The following TNFRSF13C variants were observed in gnomAD, a reference collection of about 807,000 sequenced individuals.
TNFRSF13C encodes the protein TNF receptor superfamily member 13C, also known as tumor necrosis factor receptor superfamily member 13C.
TNFRSF13C carries 7 observed loss-of-function variants against 12.1 expected under a neutral mutation model. The ratio of observed to expected loss-of-function variants is 0.58; its 90% CI spans 0.33 to 1.08. The LOEUF is 1.08. TNFRSF13C is among the 50% of genes least tolerant of loss of function. The pLI is 0.04. For missense variants in TNFRSF13C, 260 were observed against 265.9 expected (o/e 0.98, Z 0.15); for synonymous variants, 157 against 130.8 (o/e 1.20, Z -1.37).
In TNFRSF13C at chr22:41,925,361, T is replaced by C. The variant is rs749167908; in HGVS notation, c.*6A>G. 1 of 1,597,218 alleles carries C rather than the reference T, an allele frequency of 6.3e-7. No individual in the cohort carries two copies. ...AGGGCAGGGGCCACCTCCTGCCGGC[T>C]CCCTGCTATTGTTGCTCAGGGCCGG... is the stretch of plus-strand genomic sequence containing the variant. On this transcript the variant is annotated 3_prime_UTR_variant, in exon 3 of 3. Transcript: ENST00000291232.
rs1438896991 is a variant in TNFRSF13C, at chr22:41,922,169, C to T, written c.*3198G>A. ...GAAAAATACACCACACACTCGAGGCCTGGGGTTACTGGACACGGGTCATTT... is the reference window on the plus strand; with the variant it reads ...GAAAAATACACCACACACTCGAGGCTTGGGGTTACTGGACACGGGTCATTT... On this transcript the variant is annotated 3_prime_UTR_variant, in exon 3 of 3. Transcript: ENST00000291232. The T allele has an allele frequency of 6.6e-6, 1 of 152,198 alleles. No homozygotes were observed. The highest frequency in any genetic ancestry group is 1.9e-4 in the East Asian group (1 of 5,200). The allele number at this position is 152,198 out of a possible 1,614,324, so 9.4% of individuals were successfully genotyped here. A position where few individuals can be genotyped will look rare whatever the true frequency, so the allele number is the denominator to read the frequency against.
At position 41,926,072 on chromosome 22, in the gene TNFRSF13C, A is replaced by T; in HGVS notation, c.367+29T>A. ...ACACCCCAGCCCCTGCGCCCCGCTC[A>T]GACTGGTTCCCCTACACACGGAACT... On this transcript the variant is annotated intron_variant, in intron 2 of 2. Coordinates refer to ENST00000291232, the MANE Select transcript of TNFRSF13C (RefSeq NM_052945.4). The surrounding 1 kb of genome is among the most constrained non-coding windows in gnomAD (Gnocchi z 4.9). 2 of 1,611,948 alleles carry T rather than the reference A, an allele frequency of 1.2e-6. 1 individual carries two copies.
In TNFRSF13C at chr22:41,925,385, G is replaced by A. The variant is rs146580897; in HGVS notation, c.537C>T (p.Ala179=). ...CTCCCTGCTATTGTTGCTCAGGGCC[G>A]GCCGTCTTGGTGGTCACCAGTTCAG... The part of the protein sequence containing the change: ...GSTELVTTKT[A]GPEQQ Residue 179 remains alanine, a synonymous_variant, in exon 3 of 3, where the codon GCC becomes GCT. Coordinates refer to ENST00000291232, the MANE Select transcript of TNFRSF13C (RefSeq NM_052945.4). The A allele has an allele frequency of 1.3e-5, 21 of 1,606,108 alleles. No individual in the cohort carries two copies. The highest frequency in any genetic ancestry group is 1.8e-4 in the Middle Eastern group (1 of 5,638).
In TNFRSF13C at chr22:41,922,992, C is replaced by T. The variant is rs1386594110; in HGVS notation, c.*2375G>A. 1 of 152,410 alleles carries T rather than the reference C, an allele frequency of 6.6e-6. No homozygotes were observed. 9.4% of individuals were successfully genotyped at this position (152,410 alleles called of 1,614,324 possible). ...CTTGACCTCACCCTGTCACCTGGCT[C>T]CCTGGGGGCAGGGGCATCTGAGATG... On this transcript the variant is annotated 3_prime_UTR_variant, in exon 3 of 3. Coordinates refer to ENST00000291232, the MANE Select transcript of TNFRSF13C (RefSeq NM_052945.4).
At position 41,925,568 on chromosome 22, in the gene TNFRSF13C, G is replaced by A; in HGVS notation, c.368-14C>T. ...GGGGCTCTGGGGCTGCAGGCAGAGG[G>A]GGTAGAGGCTCCGTACTCAGTCACA... On this transcript the variant is annotated splice_polypyrimidine_tract_variant and intron_variant, in intron 2 of 2. Transcript: ENST00000291232. 6.2e-7 allele frequency: 1 copy of A among 1,611,248 alleles called. No individual in the cohort carries two copies. The highest frequency in any genetic ancestry group is 1.1e-5 in the South Asian group (1 of 91,028).
Position 41,925,164 on chromosome 22 carries a change from T to C in TNFRSF13C, c.*203A>G, listed in dbSNP as rs2077622817. ...TACCACCTTCAAGGGCTGTCAAAGA[T>C]GGTGAGGTCTGAAGCCAAAGGCAAG... is the stretch of plus-strand genomic sequence containing the variant. On this transcript the variant is annotated 3_prime_UTR_variant, in exon 3 of 3. Transcript: ENST00000291232. 2 of 581,466 alleles carry C rather than the reference T, an allele frequency of 3.4e-6. No homozygotes were observed. The allele number at this position is 581,466 out of a possible 1,614,324, so 36.0% of individuals were successfully genotyped here. A position where few individuals can be genotyped will look rare whatever the true frequency, so the allele number is the denominator to read the frequency against.
In TNFRSF13C at chr22:41,924,466, C is replaced by T. The variant is rs1394850776; in HGVS notation, c.*901G>A. 4.5e-5 allele frequency: 6 copies of T among 133,000 alleles called. No individual in the cohort carries two copies. Among genetic ancestry groups the T allele is most frequent in the African/African-American group, 9.0e-5 (3 of 33,150 alleles). The allele number at this position is 133,000 out of a possible 1,614,324, so 8.2% of individuals were successfully genotyped here. A position where few individuals can be genotyped will look rare whatever the true frequency, so the allele number is the denominator to read the frequency against. ...TTGCGTCACTGCACTCCAGCCTAGGCGACAGAGCGAGACTCTGTCTCAAAA... is the reference window on the plus strand; with the variant it reads ...TTGCGTCACTGCACTCCAGCCTAGGTGACAGAGCGAGACTCTGTCTCAAAA... On this transcript the variant is annotated 3_prime_UTR_variant, in exon 3 of 3. Transcript: ENST00000291232.
rs2077634667 is a variant in TNFRSF13C at position 41,926,699 on chromosome 22, G to A, written c.75C>T (p.Phe25=). ...CCACGCAGTGGCGGACCAGCAGGTC[G>A]AAGCACTCGGCCGGGACGCAGGGCG... ...APTPCVPAEC[F]DLLVRHCVAC... is the part of the protein sequence containing the mutation. Residue 25 remains phenylalanine (F), a synonymous_variant, in exon 1 of 3, where the codon TTC becomes TTT. Transcript: ENST00000291232. This position sits in a 1 kb window ranked among gnomAD's most constrained non-coding sequence, Gnocchi z 4.9. 1 of 1,457,726 alleles carries A rather than the reference G, an allele frequency of 6.9e-7. No individual in the cohort carries two copies. The highest frequency in any genetic ancestry group is 9.0e-7 in the Non-Finnish European group (1 of 1,109,798). 90.3% of individuals were successfully genotyped at this position (1,457,726 alleles called of 1,614,324 possible).
intron 2 of TNFRSF13C, 102 bp from the exon 3 acceptor site, chr22:41,925,656 A>C (rs759748461): frequency 1.4e-6 from 2 of 1,445,278 alleles, no homozygotes; most frequent in Non-Finnish European, 1.9e-6. Flanking sequence ...ATGAAGCCCA[A>C]TGCAGGGTGG....
At position 41,922,529 on chromosome 22, in the gene TNFRSF13C, C is replaced by A. The variant is rs1351344460; in HGVS notation, c.*2838G>T. 6.6e-6 allele frequency: 1 copy of A among 152,114 alleles called. No individual in the cohort carries two copies. The highest frequency in any genetic ancestry group is 1.5e-5 in the Non-Finnish European group (1 of 68,026). 9.4% of individuals were successfully genotyped at this position (152,114 alleles called of 1,614,324 possible). The stretch of plus-strand genomic sequence containing the variant: ...ACTTCCTACCGGCTGGCGGGGCCAG[C>A]TGGGACAGAGAGATGCCCAAGGTTT... On this transcript the variant is annotated 3_prime_UTR_variant, in exon 3 of 3. Transcript: ENST00000291232.
chr22:41,926,328 C>T lies in TNFRSF13C; in HGVS notation c.140G>A (p.Gly47Glu). 7.1e-7 allele frequency: 1 copy of T among 1,416,590 alleles called. No homozygotes were observed. Among genetic ancestry groups the T allele is most frequent in the Non-Finnish European group, 9.1e-7 (1 of 1,093,420 alleles). 87.8% of individuals were successfully genotyped at this position (1,416,590 alleles called of 1,614,324 possible). ...CGTCCTGGGCGCAGGGCTGCTGGCCCCGGCTGCTTCGGGAGGGGACAGGGA... is the reference window on the plus strand; with the variant it reads ...CGTCCTGGGCGCAGGGCTGCTGGCCTCGGCTGCTTCGGGAGGGGACAGGGA... ...LLRTPRPKPA[G>E]ASSPAPRTAL... is the part of the protein sequence containing the mutation. The change falls in exon 2 of 3, where the codon GGG (glycine) becomes GAG (glutamate). Residue 47 changes from glycine to glutamate, a missense_variant. Physicochemically the swap from Gly to Glu is moderately conservative, Grantham distance 98. Transcript: ENST00000291232. This position sits in a 1 kb window ranked among gnomAD's most constrained non-coding sequence, Gnocchi z 4.9.
chr22:41,926,464 G>C lies in TNFRSF13C; in HGVS notation c.137-133C>G, dbSNP rs1347331693. On this transcript the variant is annotated intron_variant, in intron 1 of 2. Coordinates refer to ENST00000291232, the MANE Select transcript of TNFRSF13C (RefSeq NM_052945.4). This position sits in a 1 kb window ranked among gnomAD's most constrained non-coding sequence, Gnocchi z 4.9. ...CCGGGGGGCGGTGGACAAGGGGAGG[G>C]AGAGAGGCGGCGGTGAGGGCCACGC... 9.2e-7 allele frequency: 1 copy of C among 1,092,556 alleles called. No individual in the cohort carries two copies. The highest frequency in any genetic ancestry group is 1.2e-6 in the Non-Finnish European group (1 of 831,408). 67.7% of individuals were successfully genotyped at this position (1,092,556 alleles called of 1,614,324 possible).
rs1054438069 is a variant in TNFRSF13C at position 41,923,871 on chromosome 22, G to C, written c.*1496C>G. ...CCACTGGGGTCAAAATGGCATCTTAGGTTCTGGCAGATTGGGCCAATCTCA... is the reference window on the plus strand; with the variant it reads ...CCACTGGGGTCAAAATGGCATCTTACGTTCTGGCAGATTGGGCCAATCTCA... On this transcript the variant is annotated 3_prime_UTR_variant, in exon 3 of 3. Coordinates refer to ENST00000291232, the MANE Select transcript of TNFRSF13C (RefSeq NM_052945.4). 5 of 152,172 alleles carry C rather than the reference G, an allele frequency of 3.3e-5. No individual in the cohort carries two copies. The highest frequency in any genetic ancestry group is 7.3e-5 in the Non-Finnish European group (5 of 68,028). The allele number at this position is 152,172 out of a possible 1,614,324, so 9.4% of individuals were successfully genotyped here.
chr22:41,926,759 G>C lies in TNFRSF13C; in HGVS notation c.15C>G (p.Pro5=), dbSNP rs1403550629. ...GCGCGTCCCTGCCCCGCAGGCTCCG[G>C]GGCCCTCGCCTCATGGTGCCGACGC... MRRG[P]RSLRGRDAPA... The change falls in exon 1 of 3, where the codon CCC becomes CCG. Residue 5 remains proline, a synonymous_variant. Transcript: ENST00000291232. The surrounding 1 kb of genome is among the most constrained non-coding windows in gnomAD (Gnocchi z 4.9). 3 of 1,362,864 alleles carry C rather than the reference G, an allele frequency of 2.2e-6. No homozygotes were observed. The highest frequency in any genetic ancestry group is 6.2e-5 in the East Asian group (2 of 32,106). 84.4% of individuals were successfully genotyped at this position (1,362,864 alleles called of 1,614,324 possible).
In TNFRSF13C at chr22:41,926,577, C is replaced by A. The variant is rs970917827; in HGVS notation, c.136+61G>T. The A allele has an allele frequency of 8.1e-6, 11 of 1,358,126 alleles. No homozygotes were observed. The African/African-American group carries it at 1.1e-4, about 13-fold the overall frequency. 84.1% of individuals were successfully genotyped at this position (1,358,126 alleles called of 1,614,324 possible). On this transcript the variant is annotated intron_variant, in intron 1 of 2. Coordinates refer to ENST00000291232, the MANE Select transcript of TNFRSF13C (RefSeq NM_052945.4). The surrounding 1 kb of genome is among the most constrained non-coding windows in gnomAD (Gnocchi z 4.9). The stretch of plus-strand genomic sequence containing the variant: ...GGTCGGGGCTCTGCCTGCGCCCTGG[C>A]GATCGGGGCCCCGTTCTCCCCGCAG...
In TNFRSF13C at chr22:41,926,726, G is replaced by C. The variant is rs914121707; in HGVS notation, c.48C>G (p.Pro16=). The change falls in exon 1 of 3, where the codon CCC becomes CCG. Residue 16 remains proline, a synonymous_variant. Coordinates refer to ENST00000291232, the MANE Select transcript of TNFRSF13C (RefSeq NM_052945.4). The surrounding 1 kb of genome is among the most constrained non-coding windows in gnomAD (Gnocchi z 4.9). ...AGCACTCGGCCGGGACGCAGGGCGT[G>C]GGGGCTGGCGCGTCCCTGCCCCGCA... ...RSLRGRDAPA[P]TPCVPAECFD... is the part of the protein sequence containing the mutation. 2 of 1,423,054 alleles carry C rather than the reference G, an allele frequency of 1.4e-6. No individual in the cohort carries two copies. Among genetic ancestry groups the C allele is most frequent in the South Asian group, 2.9e-5 (2 of 69,548 alleles). The allele number at this position is 1,423,054 out of a possible 1,614,324, so 88.2% of individuals were successfully genotyped here. A position where few individuals can be genotyped will look rare whatever the true frequency, so the allele number is the denominator to read the frequency against.
rs1017940994 is a variant in TNFRSF13C at position 41,925,190 on chromosome 22, C to T, written c.*177G>A. The T allele has an allele frequency of 2.8e-6, 2 of 703,310 alleles. No individual in the cohort carries two copies. Among genetic ancestry groups the T allele is most frequent in the Non-Finnish European group, 4.6e-6 (2 of 436,058 alleles). 43.6% of individuals were successfully genotyped at this position (703,310 alleles called of 1,614,324 possible). Reference sequence around the variant, plus strand: ...GGTGAGGTCTGAAGCCAAAGGCAAGCACACCAAACTCCATGGGGGCTGAAT... The same window carrying T: ...GGTGAGGTCTGAAGCCAAAGGCAAGTACACCAAACTCCATGGGGGCTGAAT... On this transcript the variant is annotated 3_prime_UTR_variant, in exon 3 of 3. Coordinates refer to ENST00000291232, the MANE Select transcript of TNFRSF13C (RefSeq NM_052945.4).
chr22:41,923,997 CAAGCG>C lies in TNFRSF13C; in HGVS notation c.*1365_*1369del, dbSNP rs1453150890. On this transcript the variant is annotated 3_prime_UTR_variant, in exon 3 of 3. Coordinates refer to ENST00000291232, the MANE Select transcript of TNFRSF13C (RefSeq NM_052945.4). ...AATAATCTTGTACTAAATCCCAAAGCAAGCGAACCCATGAATTGATTATTCACTGC... is the reference window on the plus strand; with the variant it reads ...AATAATCTTGTACTAAATCCCAAAGCAACCCATGAATTGATTATTCACTGC... 1 of 152,224 alleles carries C rather than the reference CAAGCG, an allele frequency of 6.6e-6. No individual in the cohort carries two copies. Among genetic ancestry groups the C allele is most frequent in the East Asian group, 1.9e-4 (1 of 5,202 alleles). 9.4% of individuals were successfully genotyped at this position (152,224 alleles called of 1,614,324 possible).
At position 41,925,258 on chromosome 22, in the gene TNFRSF13C, T is replaced by C; in HGVS notation, c.*109A>G. 8.4e-7 allele frequency: 1 copy of C among 1,193,116 alleles called. No individual in the cohort carries two copies. The highest frequency in any genetic ancestry group is 1.2e-6 in the Non-Finnish European group (1 of 867,212). 73.9% of individuals were successfully genotyped at this position (1,193,116 alleles called of 1,614,324 possible). A position where few individuals can be genotyped will look rare whatever the true frequency, so the allele number is the denominator to read the frequency against. On this transcript the variant is annotated 3_prime_UTR_variant, in exon 3 of 3. Transcript: ENST00000291232. ...CTGTGCTTCTGCAGAGTTAGCCTGG[T>C]CCCAGAAAGAGGGCATGTGCATGCT...
Sources: allele counts gnomAD v4.1 joint callset, GRCh38; gene constraint gnomAD v4.1.1; non-coding constraint Gnocchi (gnomAD v3.1); transcripts MANE v1.5; gene names NCBI Gene and HGNC (gene_info 2026-07-23, HGNC 2026-07-21).